ERICH1: variants seen among roughly 807,000 people sequenced by gnomAD.
ERICH1 encodes the protein glutamate-rich protein 1.
In ERICH1, 56 loss-of-function variants were observed where a neutral mutation model predicts 39.6. The observed-to-expected ratio is 1.41, with a 90% CI of 1.14 to 1.77. The LOEUF (loss-of-function observed/expected upper bound fraction) is 1.77, where lower values mean the gene tolerates loss of function less well. ERICH1 is among the 40% of genes most tolerant of loss of function. ERICH1 has a pLI of 0.00. For missense variants in ERICH1, 826 were observed against 575.4 expected (o/e 1.44, Z -4.45); for synonymous variants, 313 against 223.6 (o/e 1.40, Z -3.57).
Position 674,048 on chromosome 8 carries a change from C to G in ERICH1, c.305-1G>C, listed in dbSNP as rs1585192627. 1 of 1,533,698 alleles carries G rather than the reference C, an allele frequency of 6.5e-7. No individual in the cohort carries two copies. Among genetic ancestry groups the G allele is most frequent in the Non-Finnish European group, 8.7e-7 (1 of 1,154,494 alleles). Reference sequence around the variant, plus strand: ...TTTGGCTGGTCATGAGGATCCTGATCTGTTAAAAAAATTCAAATATAACAA... The same window carrying G: ...TTTGGCTGGTCATGAGGATCCTGATGTGTTAAAAAAATTCAAATATAACAA... On this transcript the variant is annotated splice_acceptor_variant, in intron 3 of 5. Coordinates refer to ENST00000262109, the MANE Select transcript of ERICH1 (RefSeq NM_207332.3). LOFTEE classifies it high-confidence loss of function.
intron 3 of ERICH1, among the ~76,000 whole-genome samples, chr8:622,950 C>A (rs1026098376): frequency 4.9e-5 from 4 of 81,054 alleles, no homozygotes; most frequent in Admixed American, 4.1e-4. Flanking sequence ...AGAGGAGATC[C>A]GCTCTCAATA....
chr8:719,186 C>A lies in ERICH1; in HGVS notation c.23-3179G>T, dbSNP rs80182170. Among the ~76,000 whole-genome samples the A allele has an allele frequency of 8.1e-3, 1,230 of 152,286 alleles. 11 individuals are homozygous for A. The highest frequency in any genetic ancestry group is 0.022 in the African/African-American group (900 of 41,566). ...CGAGGCTCAGGGAGGCCGTTTCAAC[C>A]GTGAAAACTTGGGTTTCTGCCCCAC... On this transcript the variant is annotated intron_variant, in intron 1 of 5. Transcript: ENST00000262109.
intron 3 of ERICH1, among the ~76,000 whole-genome samples, chr8:634,145 A>G (rs1798231019): frequency 6.9e-6 from 1 of 144,854 alleles, no homozygotes; most frequent in African/African-American, 2.6e-5. Flanking sequence ...AAAAACCAGA[A>G]TCTATAGAGA....
At chr8:684,461 GTGTTT>G (rs10561505) in intron 3 of ERICH1, among the ~76,000 whole-genome samples, 90,485 of 151,324 alleles carry the variant, frequency 0.6, 27,371 homozygotes, top group East Asian at 0.89. Flanking sequence ...AAACTGTGAA[GTGTTT>G]TGTAAATATT....
chr8:707,309 G>GC (rs1813530009), intron 2 of ERICH1, among the ~76,000 whole-genome samples: 1 of 150,194 alleles, frequency 6.7e-6, no homozygotes, highest in African/African-American at 2.4e-5. Flanking sequence ...CCGGGTTCAA[G>GC]CGACTCTACT....
intron 4 of ERICH1, 38 bp downstream of exon 4, chr8:673,251 G>T (rs1485158555): frequency 1.3e-6 from 2 of 1,544,930 alleles, no homozygotes; most frequent in South Asian, 1.2e-5. Flanking sequence ...CTTTTAAGTG[G>T]ATGTCACTAT....
intron 3 of ERICH1, among the ~76,000 whole-genome samples, chr8:685,826 A>G (rs570691965): frequency 6.6e-6 from 1 of 151,908 alleles, no homozygotes; most frequent in Non-Finnish European, 1.5e-5. Context: ...GAGTCTCTTC[A>G]GCTTTGGGCA....
chr8:703,016 C>T (rs1253499478), intron 2 of ERICH1, among the ~76,000 whole-genome samples: 1 of 152,228 alleles, frequency 6.6e-6, no homozygotes. Context: ...GGCAGCAAGT[C>T]TGCAACAATG....
intron 3 of ERICH1, among the ~76,000 whole-genome samples, chr8:689,619 A>G (rs1808441023): frequency 1.3e-5 from 2 of 152,186 alleles, no homozygotes; most frequent in East Asian, 1.9e-4. Flanking sequence ...GGGAAGAGGC[A>G]TGTTGGGGGC....
At chr8:717,495 A>T (rs368156536) in intron 1 of ERICH1, among the ~76,000 whole-genome samples, 2 of 152,226 alleles carry the variant, frequency 1.3e-5, no homozygotes, top group African/African-American at 2.4e-5. Context: ...CCAAGACTTC[A>T]GATAAAAATC....
At chr8:615,090 C>T (rs1218047109) in exon 4 of ERICH1, 16 of 595,806 alleles carry the variant, frequency 2.7e-5, no homozygotes, top group Admixed American at 6.3e-5. Flanking sequence ...TCTCAGCTCT[C>T]GTCAGCCTTG....
chr8:706,195 T>A (rs1813233987), intron 2 of ERICH1, among the ~76,000 whole-genome samples: 1 of 152,210 alleles, frequency 6.6e-6, no homozygotes, highest in Admixed American at 6.5e-5. Context: ...TGGAATGTAT[T>A]ACCGTTGTTA....
intron 3 of ERICH1, among the ~76,000 whole-genome samples, chr8:641,568 T>C (rs1798978466): frequency 1.3e-5 from 2 of 152,234 alleles, no homozygotes; most frequent in Non-Finnish European, 2.9e-5. Flanking sequence ...TCGAAAGACC[T>C]TTTCACACAG....
At chr8:713,008 C>T (rs1020319554) in intron 2 of ERICH1, among the ~76,000 whole-genome samples, 5 of 152,256 alleles carry the variant, frequency 3.3e-5, no homozygotes, top group African/African-American at 1.2e-4. Flanking sequence ...CTCTCACAGC[C>T]CGGAAGGCTG....
At chr8:709,953 C>T (rs1035819187) in intron 2 of ERICH1, among the ~76,000 whole-genome samples, 10 of 152,008 alleles carry the variant, frequency 6.6e-5, no homozygotes, top group African/African-American at 2.4e-4. Flanking sequence ...AGTAAATCGA[C>T]CTTAAAAATA....
At chr8:625,135 C>T (rs144737871) in intron 3 of ERICH1, among the ~76,000 whole-genome samples, 51 of 152,274 alleles carry the variant, frequency 3.3e-4, no homozygotes, top group African/African-American at 1.2e-3. Context: ...CCTCCAACAT[C>T]GGAGATTACA....
chr8:636,164 C>T (rs1293018561), intron 3 of ERICH1, among the ~76,000 whole-genome samples: 2 of 152,194 alleles, frequency 1.3e-5, no homozygotes, highest in Non-Finnish European at 2.9e-5. Context: ...AATCCCTGCG[C>T]CCCGGCCACC....
At chr8:667,392 C>T (rs2131805577) in intron 5 of ERICH1, 1 of 153,402 alleles carries the variant, frequency 6.5e-6, no homozygotes, top group Middle Eastern at 3.3e-3. Flanking sequence ...AGCGCATGCG[C>T]ACTTGGCTGC....
At chr8:692,328 G>A (rs747683451) in intron 3 of ERICH1, 150 bp downstream of exon 3, 186 of 1,151,902 alleles carry the variant, frequency 1.6e-4, no homozygotes, top group Non-Finnish European at 2.2e-4. Context: ...AAAATACAAA[G>A]GTACACCATG....
Sources: allele counts gnomAD v4.1 joint callset (sites outside exome capture counted in the v4.1 genomes callset), GRCh38; gene constraint gnomAD v4.1.1; transcripts MANE v1.5; gene names NCBI Gene and HGNC (gene_info 2026-07-23, HGNC 2026-07-21).